Variants in SLAMF6 observed in about 807,000 individuals in gnomAD.
SLAMF6 encodes SLAM family member 6, also known as NK-T-B-antigen.
In SLAMF6, 21 loss-of-function variants were observed where a neutral mutation model predicts 38.3. The observed-to-expected ratio is 0.55, with a 90% CI of 0.39 to 0.79. The LOEUF (loss-of-function observed/expected upper bound fraction) is 0.79. Among genes scored for constraint, SLAMF6 ranks in the 30% least tolerant of loss-of-function variants. SLAMF6 has a pLI of 0.00. For missense variants in SLAMF6, 341 were observed against 385.3 expected, an observed-to-expected ratio of 0.89 and a Z score of 0.96; for synonymous variants, 152 against 146.3, an observed-to-expected ratio of 1.04 and a Z score of -0.28.
intron 6 of SLAMF6, among the ~76,000 whole-genome samples, chr1:160,488,499 T>C (rs1653089433): frequency 6.6e-6 from 1 of 152,134 alleles, no homozygotes; most frequent in Non-Finnish European, 1.5e-5. Context: ...TTAGGGGTGG[T>C]GGGGAGTTGC....
At chr1:160,488,963 T>A in intron 6 of SLAMF6, 125 bp downstream of exon 6, 1 of 825,776 alleles carries the variant, frequency 1.2e-6, no homozygotes, top group Non-Finnish European at 2.0e-6. Context: ...TTGCAGCCCC[T>A]GTCGCTGTGG....
intron 2 of SLAMF6, among the ~76,000 whole-genome samples, chr1:160,494,933 C>A (rs1475465870): frequency 6.6e-6 from 1 of 152,168 alleles, no homozygotes; most frequent in East Asian, 1.9e-4. Flanking sequence ...TACATTGCCC[C>A]AGGGTGATTT....
At chr1:160,519,544 A>G (rs546296760) in intron 1 of SLAMF6, among the ~76,000 whole-genome samples, 215 of 152,334 alleles carry the variant, frequency 1.4e-3, no homozygotes, top group African/African-American at 4.9e-3. Flanking sequence ...AAAACAACCC[A>G]GGTGTCCACT....
Position 160,489,064 on chromosome 1 carries a change from G to A in SLAMF6, c.879+24C>T, listed in dbSNP as rs377568597. 205 of 1,576,120 alleles carry A rather than the reference G, an allele frequency of 1.3e-4. 1 individual carries two copies. The highest frequency in any genetic ancestry group is 2.5e-5 in the Non-Finnish European group (29 of 1,145,706). ...AATGGCTGTAAAACTGACAACAATG[G>A]CATATAAAGCTGAAAAGACTCACCC... On this transcript the variant is annotated intron_variant, in intron 6 of 7. Coordinates refer to ENST00000368057, the MANE Select transcript of SLAMF6 (RefSeq NM_001184714.2).
chr1:160,500,844 T>C (rs1413317149), intron 1 of SLAMF6, among the ~76,000 whole-genome samples: 1 of 152,198 alleles, frequency 6.6e-6, no homozygotes, highest in Non-Finnish European at 1.5e-5. Context: ...GTAGGGAGTC[T>C]GGGCTTACTC....
intron 1 of SLAMF6, among the ~76,000 whole-genome samples, chr1:160,506,791 C>T (rs1032600600): frequency 1.3e-5 from 2 of 152,106 alleles, no homozygotes; most frequent in African/African-American, 4.8e-5. Context: ...CATTGGAGCA[C>T]AGTGTTTGTA....
chr1:160,523,062 G>T, intron 1 of SLAMF6, 82 bp downstream of exon 1: 2 of 1,475,470 alleles, frequency 1.4e-6, no homozygotes, highest in Non-Finnish European at 9.5e-7. Flanking sequence ...CCAGACAACT[G>T]TATACAGACG....
rs565602161 is a variant in SLAMF6, at chr1:160,522,785, G to A, written c.49+359C>T. 3.7e-4 allele frequency among the ~76,000 whole-genome samples: 56 copies of A among 152,242 alleles called. No homozygotes were observed. In the South Asian group the frequency reaches 4.2e-3, roughly 11 times the overall value. On this transcript the variant is annotated intron_variant, in intron 1 of 7. Coordinates refer to ENST00000368057, the MANE Select transcript of SLAMF6 (RefSeq NM_001184714.2). Reference sequence around the variant, plus strand: ...GTAACCTCCCTGAGGTTCACAGTACGATAGTAGATACATTGGTATGAGGGC... The same window carrying A: ...GTAACCTCCCTGAGGTTCACAGTACAATAGTAGATACATTGGTATGAGGGC...
rs779881213 is a variant in SLAMF6, at chr1:160,489,089, C to G, written c.878G>C (p.Arg293Thr). Residue 293 changes from arginine to threonine, a missense_variant and splice_region_variant, in exon 6 of 8, where the codon AGG becomes ACG. By Grantham distance (71) the Arg-to-Thr change is moderately conservative. Transcript: ENST00000368057. The part of the protein sequence containing the change: ...TVYASVTHSN[R>T]ETEIWTPREN... ...GCATATAAAGCTGAAAAGACTCACC[C>G]TGTTTGAATGAGTGACTGAAGCATA... 3 of 1,612,844 alleles carry G rather than the reference C, an allele frequency of 1.9e-6. No homozygotes were observed. In the Admixed American group the frequency reaches 5.0e-5, roughly 27 times the overall value.
chr1:160,517,501 G>A (rs1000664879), intron 1 of SLAMF6, among the ~76,000 whole-genome samples: 1 of 152,138 alleles, frequency 6.6e-6, no homozygotes, highest in African/African-American at 2.4e-5. Context: ...TCCCATTTCT[G>A]GGTATATACC....
intron 1 of SLAMF6, among the ~76,000 whole-genome samples, chr1:160,501,644 A>G (rs540281318): frequency 6.6e-6 from 1 of 152,214 alleles, no homozygotes; most frequent in Admixed American, 6.5e-5. Flanking sequence ...TCTTGAATAA[A>G]AGCTATGAGT....
At chr1:160,492,794 A>G (rs1653373219) in intron 2 of SLAMF6, among the ~76,000 whole-genome samples, 1 of 152,158 alleles carries the variant, frequency 6.6e-6, no homozygotes, top group South Asian at 2.1e-4. Context: ...AAACCTCTGG[A>G]GTTATCGCTG....
intron 1 of SLAMF6, among the ~76,000 whole-genome samples, chr1:160,511,443 A>T (rs559515841): frequency 5.3e-5 from 8 of 152,326 alleles, no homozygotes; most frequent in African/African-American, 1.9e-4. Context: ...GTGATTTTTG[A>T]CAAGAGTGCT....
intron 1 of SLAMF6, among the ~76,000 whole-genome samples, chr1:160,507,939 T>A (rs1009644289): frequency 6.6e-6 from 1 of 151,862 alleles, no homozygotes; most frequent in Non-Finnish European, 1.5e-5. Context: ...AGACTAGGAA[T>A]CCAACTTAAA....
chr1:160,505,736 G>T (rs73014358), intron 1 of SLAMF6, among the ~76,000 whole-genome samples: 3,905 of 151,884 alleles, frequency 0.026, 103 homozygotes, highest in East Asian at 0.11. Flanking sequence ...AAAGCTAAAG[G>T]AAACAATGGA....
chr1:160,493,348 G>A (rs1169346014), intron 2 of SLAMF6, among the ~76,000 whole-genome samples: 1 of 152,150 alleles, frequency 6.6e-6, no homozygotes, highest in Non-Finnish European at 1.5e-5. Flanking sequence ...AATGAAGCCT[G>A]TTCTGATCAC....
intron 2 of SLAMF6, 53 bp from the exon 3 acceptor site, chr1:160,491,441 C>T: frequency 1.9e-6 from 3 of 1,570,620 alleles, no homozygotes; most frequent in South Asian, 2.4e-5. Context: ...CTTGGCTCAA[C>T]CCCCTGTGAA....
intron 1 of SLAMF6, among the ~76,000 whole-genome samples, chr1:160,520,321 A>C (rs1196092991): frequency 6.6e-6 from 1 of 152,036 alleles, no homozygotes; most frequent in Non-Finnish European, 1.5e-5. Flanking sequence ...CTTCCTGCAA[A>C]CACACTCAAA....
At chr1:160,489,059 C>T in intron 6 of SLAMF6, 29 bp downstream of exon 6, 1 of 1,575,362 alleles carries the variant, frequency 6.3e-7, no homozygotes. Flanking sequence ...AAACTGACAA[C>T]AATGGCATAT....
Sources: allele counts gnomAD v4.1 joint callset (sites outside exome capture counted in the v4.1 genomes callset), GRCh38; gene constraint gnomAD v4.1.1; transcripts MANE v1.5; gene names NCBI Gene and HGNC (gene_info 2026-07-23, HGNC 2026-07-21).